Variants in ADAMTSL2 observed in about 807,000 individuals in gnomAD.
The protein encoded by ADAMTSL2 is ADAMTS-like protein 2.
ADAMTSL2 carries 55 observed loss-of-function variants against 117.0 expected under a neutral mutation model. The ratio of observed to expected loss-of-function variants is 0.47; its 90% CI spans 0.38 to 0.59. The LOEUF is 0.59. Among genes scored for constraint, ADAMTSL2 ranks in the 20% least tolerant of loss-of-function variants. The probability of loss-of-function intolerance (pLI) is 0.00; values close to 1 mark genes in which losing one functional copy is unlikely to be tolerated. For synonymous variants in ADAMTSL2, 572 were observed against 566.4 expected, an observed-to-expected ratio of 1.01 and a Z score of -0.14; for missense variants, 1,182 against 1,354.5, an observed-to-expected ratio of 0.87 and a Z score of 2.00.
At chr9:133,562,255 G>A (rs1280338628) in intron 12 of ADAMTSL2, among the ~76,000 whole-genome samples, 1 of 152,244 alleles carries the variant, frequency 6.6e-6, no homozygotes, top group African/African-American at 2.4e-5. Context: ...AGAGAGGGAG[G>A]GGCTGGGGCG....
chr9:133,572,141 G>A (rs1003809320), intron 17 of ADAMTSL2, among the ~76,000 whole-genome samples: 2 of 152,078 alleles, frequency 1.3e-5, no homozygotes, highest in Non-Finnish European at 2.9e-5. Flanking sequence ...CCTCGTGCAC[G>A]CTTGGTGGTG....
At chr9:133,564,244 AAG>A (rs1830861250) in intron 12 of ADAMTSL2, among the ~76,000 whole-genome samples, 3 of 7,752 alleles carry the variant, frequency 3.9e-4, no homozygotes, top group East Asian at 6.0e-3. Context: ...GAGAGAGAGA[AAG>A]AGGGAGAGAG....
chr9:133,539,727 G>A (rs759387509), intron 4 of ADAMTSL2, 44 bp from the exon 5 acceptor site: 20 of 1,202,314 alleles, frequency 1.7e-5, no homozygotes, highest in South Asian at 1.0e-4. Flanking sequence ...TGCCTTTGTC[G>A]GGCCGAGTTC....
chr9:133,564,171 A>G (rs1411803113), intron 12 of ADAMTSL2, among the ~76,000 whole-genome samples: 4 of 26,554 alleles, frequency 1.5e-4, no homozygotes, highest in South Asian at 1.5e-3. Flanking sequence ...AGAAAGGGAG[A>G]GAGAGAGAGA....
chr9:133,554,654 G>A lies in ADAMTSL2; in HGVS notation c.1237G>A (p.Gly413Arg), dbSNP rs778189023. The change falls in exon 10 of 19, where the codon GGG becomes AGG. Residue 413 changes from glycine (G) to arginine (R), a missense_variant. Transcript: ENST00000651351. The surrounding 1 kb of genome is among the most constrained non-coding windows in gnomAD (Gnocchi z 5.2). ...CGAGGTGTGCGAGCAGGCCGGCGGC[G>A]GGGCCTGCGAGGGGCCCCCCAGGGG... The part of the protein sequence containing the change: ...TNEVCEQAGG[G>R]ACEGPPRGKG... The A allele has an allele frequency of 3.3e-5, 50 of 1,524,708 alleles. No individual in the cohort carries two copies. The highest frequency in any genetic ancestry group is 4.9e-5 in the East Asian group (2 of 41,090). The allele number at this position is 1,524,708 out of a possible 1,614,324, so 94.4% of individuals were successfully genotyped here.
intron 12 of ADAMTSL2, among the ~76,000 whole-genome samples, chr9:133,565,644 C>A (rs1282228377): frequency 6.6e-6 from 1 of 152,242 alleles, no homozygotes; most frequent in African/African-American, 2.4e-5. Flanking sequence ...TTGTCGGCTG[C>A]TTCCCAGGCT....
intron 12 of ADAMTSL2, 128 bp from the exon 13 acceptor site, chr9:133,566,808 C>G: frequency 7.9e-7 from 1 of 1,263,940 alleles, no homozygotes. Flanking sequence ...GTTGCACAAG[C>G]TGTGACTGAT....
At chr9:133,556,915 C>G (rs911251113) in intron 11 of ADAMTSL2, among the ~76,000 whole-genome samples, 2 of 152,248 alleles carry the variant, frequency 1.3e-5, no homozygotes, top group African/African-American at 2.4e-5. Context: ...CCCACAGTTT[C>G]TCCCAGCAAC....
chr9:133,540,824 CG>C, intron 6 of ADAMTSL2, 53 bp from the exon 7 acceptor site: 1 of 1,613,120 alleles, frequency 6.2e-7, no homozygotes, highest in Non-Finnish European at 8.5e-7. Flanking sequence ...GTGGCGGCCC[CG>C]GGGCCTGGCC....
chr9:133,537,626 G>A, intron 3 of ADAMTSL2, 79 bp downstream of exon 3: 1 of 1,281,570 alleles, frequency 7.8e-7, no homozygotes, highest in Non-Finnish European at 9.9e-7. Context: ...TGGCTCTTCA[G>A]CCTGGTGGCT....
intron 17 of ADAMTSL2, among the ~76,000 whole-genome samples, chr9:133,571,008 T>C (rs1588311547): frequency 6.6e-6 from 1 of 152,064 alleles, no homozygotes. Context: ...CCTGCACGGG[T>C]CTGGCCCCTC....
At position 133,554,302 on chromosome 9, in the gene ADAMTSL2, G is replaced by A; in HGVS notation, c.940-55G>A. On this transcript the variant is annotated intron_variant, in intron 9 of 18. Transcript: ENST00000651351. The surrounding 1 kb of genome is among the most constrained non-coding windows in gnomAD (Gnocchi z 5.2). ...CAGCTCTGTGGGAAGGGGATTGGTG[G>A]GGAAGGGGCTGGACAGAGTAAGGAG... 1.4e-6 allele frequency: 2 copies of A among 1,455,822 alleles called. No individual in the cohort carries two copies. The highest frequency in any genetic ancestry group is 1.8e-6 in the Non-Finnish European group (2 of 1,081,616). The allele number at this position is 1,455,822 out of a possible 1,614,324, so 90.2% of individuals were successfully genotyped here.
rs780071103 is a variant in ADAMTSL2, at chr9:133,538,293, C to T, written c.234-56C>T. 88 of 1,604,268 alleles carry T rather than the reference C, an allele frequency of 5.5e-5. 1 individual carries two copies. The highest frequency in any genetic ancestry group is 1.3e-4 in the East Asian group (6 of 44,830). ...CCAGTGGCCGTGGGGCCAGCCCAGG[C>T]GACATTCCTGAAACTCCTCTGCAGC... On this transcript the variant is annotated intron_variant, in intron 3 of 18. Coordinates refer to ENST00000651351, the MANE Select transcript of ADAMTSL2 (RefSeq NM_014694.4).
intron 9 of ADAMTSL2, among the ~76,000 whole-genome samples, chr9:133,548,385 C>T (rs182603958): frequency 6.6e-6 from 1 of 152,334 alleles, no homozygotes; most frequent in East Asian, 1.9e-4. Context: ...CTGTGCTTAC[C>T]TGGTCCTGCC....
chr9:133,539,704 G>A (rs1461924789), intron 4 of ADAMTSL2, 67 bp from the exon 5 acceptor site: 12 of 1,444,956 alleles, frequency 8.3e-6, no homozygotes, highest in Middle Eastern at 1.7e-4. Flanking sequence ...TTCCTGCTTA[G>A]CCTGGACAAA....
chr9:133,542,562 C>A (rs1830250894), intron 7 of ADAMTSL2, among the ~76,000 whole-genome samples: 1 of 152,198 alleles, frequency 6.6e-6, no homozygotes, highest in African/African-American at 2.4e-5. Context: ...AAACAGCGCC[C>A]CTCATTCTTC....
At chr9:133,546,137 T>C (rs1003052953) in intron 8 of ADAMTSL2, among the ~76,000 whole-genome samples, 7 of 152,030 alleles carry the variant, frequency 4.6e-5, no homozygotes, top group African/African-American at 1.7e-4. Context: ...TCCCCAGCCC[T>C]GGAGGCCCCC....
intron 7 of ADAMTSL2, 36 bp downstream of exon 7, chr9:133,541,037 A>G (rs1204363931): frequency 6.2e-7 from 1 of 1,601,902 alleles, no homozygotes; most frequent in Non-Finnish European, 8.5e-7. Context: ...CAAGCACAGC[A>G]GAGTCTGGGA....
intron 12 of ADAMTSL2, among the ~76,000 whole-genome samples, chr9:133,562,842 G>A (rs1466354800): frequency 1.6e-5 from 2 of 128,540 alleles, no homozygotes; most frequent in East Asian, 4.3e-4. Flanking sequence ...GTGGGCACCC[G>A]GCTTGGCCAG....
Sources: allele counts gnomAD v4.1 joint callset (sites outside exome capture counted in the v4.1 genomes callset), GRCh38; gene constraint gnomAD v4.1.1; non-coding constraint Gnocchi (gnomAD v3.1); transcripts MANE v1.5; gene names NCBI Gene and HGNC (gene_info 2026-07-23, HGNC 2026-07-21).